The following CAP2 variants were observed in gnomAD, a reference collection of about 807,000 sequenced individuals.
CAP2 encodes cyclase associated actin cytoskeleton regulatory protein 2, also known as adenylyl cyclase-associated protein 2.
CAP2 carries 24 observed loss-of-function variants against 57.7 expected under a neutral mutation model. The observed-to-expected ratio is 0.42, with a 90% CI of 0.30 to 0.58. The LOEUF is 0.58. CAP2 is among the 20% of genes least tolerant of loss of function. The probability of loss-of-function intolerance (pLI) is 0.22; values close to 1 mark genes in which losing one functional copy is unlikely to be tolerated. For missense variants in CAP2, 501 were observed against 590.3 expected, an observed-to-expected ratio of 0.85 and a Z score of 1.57; for synonymous variants, 194 against 207.2, an observed-to-expected ratio of 0.94 and a Z score of 0.55.
At chr6:17,420,947 C>A (rs1365818377) in intron 1 of CAP2, among the ~76,000 whole-genome samples, 1 of 151,984 alleles carries the variant, frequency 6.6e-6, no homozygotes, top group African/African-American at 2.4e-5. Flanking sequence ...ACATTTATAG[C>A]AGCACAATTC....
intron 7 of CAP2, among the ~76,000 whole-genome samples, chr6:17,530,140 C>G (rs1419495361): frequency 6.6e-6 from 1 of 152,136 alleles, no homozygotes; most frequent in Non-Finnish European, 1.5e-5. Context: ...GTGGTGCCAT[C>G]ATAGCTCACT....
At chr6:17,424,268 C>T (rs375428079) in intron 2 of CAP2, among the ~76,000 whole-genome samples, 22 of 152,042 alleles carry the variant, frequency 1.4e-4, no homozygotes, top group East Asian at 9.7e-4. Flanking sequence ...GGCGTGGTGG[C>T]GGGCGCCTGT....
intron 3 of CAP2, among the ~76,000 whole-genome samples, chr6:17,440,984 T>C (rs1760058462): frequency 6.6e-6 from 1 of 151,304 alleles, no homozygotes; most frequent in African/African-American, 2.5e-5. Flanking sequence ...TCCGTGTCGC[T>C]ACAAAGGACA....
chr6:17,487,761 G>A (rs1761454042), intron 4 of CAP2, among the ~76,000 whole-genome samples: 1 of 151,790 alleles, frequency 6.6e-6, no homozygotes, highest in Non-Finnish European at 1.5e-5. Flanking sequence ...ATGAGCCACC[G>A]CACCTGGCCC....
At chr6:17,542,752 A>G (rs1762936514) in intron 9 of CAP2, 85 bp from the exon 10 acceptor site, 3 of 1,067,454 alleles carry the variant, frequency 2.8e-6, no homozygotes, top group Non-Finnish European at 2.8e-6. Flanking sequence ...GCCATACTTC[A>G]TGCTGAGCTC....
At chr6:17,500,470 G>A (rs1383880494) in intron 4 of CAP2, among the ~76,000 whole-genome samples, 1 of 148,258 alleles carries the variant, frequency 6.7e-6, no homozygotes, top group Non-Finnish European at 1.5e-5. Flanking sequence ...CCGGGTTCAA[G>A]CGATTCTCCT....
intron 6 of CAP2, among the ~76,000 whole-genome samples, chr6:17,510,618 C>T (rs996980253): frequency 2.0e-5 from 3 of 152,120 alleles, no homozygotes; most frequent in Non-Finnish European, 4.4e-5. Context: ...TAGAACTGTG[C>T]GGCACGCATG....
At chr6:17,494,668 C>T (rs145639408) in intron 4 of CAP2, among the ~76,000 whole-genome samples, 156 of 152,194 alleles carry the variant, frequency 1.0e-3, no homozygotes, top group African/African-American at 3.4e-3. Context: ...TATTTATCTG[C>T]GTCTCTCTCC....
At chr6:17,422,242 C>G (rs1287838657) in intron 2 of CAP2, among the ~76,000 whole-genome samples, 2 of 151,730 alleles carry the variant, frequency 1.3e-5, no homozygotes, top group African/African-American at 4.8e-5. Context: ...AATTTAGGAA[C>G]TAAAGTTTTG....
At chr6:17,540,896 A>T in intron 8 of CAP2, 77 bp from the exon 9 acceptor site, 1 of 1,385,122 alleles carries the variant, frequency 7.2e-7, no homozygotes, top group African/African-American at 1.4e-5. Context: ...CTCTTTATTT[A>T]CATCATGTTG....
At chr6:17,419,142 A>AT (rs2113528659) in intron 1 of CAP2, among the ~76,000 whole-genome samples, 1 of 152,320 alleles carries the variant, frequency 6.6e-6, no homozygotes, top group South Asian at 2.1e-4. Flanking sequence ...TTTGATAAGT[A>AT]TAACCTTGCT....
intron 1 of CAP2, among the ~76,000 whole-genome samples, chr6:17,419,480 G>A (rs77412593): frequency 0.013 from 2,041 of 152,252 alleles, 55 homozygotes; most frequent in African/African-American, 0.046. Flanking sequence ...AGTTGATATG[G>A]CCGGGGTTAA....
intron 3 of CAP2, among the ~76,000 whole-genome samples, chr6:17,447,118 G>C (rs1038364895): frequency 6.6e-6 from 1 of 151,442 alleles, no homozygotes; most frequent in South Asian, 2.1e-4. Context: ...AAACTCCTGG[G>C]CTCAAGAGAT....
intron 1 of CAP2, among the ~76,000 whole-genome samples, chr6:17,403,172 G>A (rs1342953977): frequency 6.6e-6 from 1 of 152,164 alleles, no homozygotes; most frequent in Admixed American, 6.5e-5. Context: ...CACGATCTTG[G>A]CTCACTGCAA....
At chr6:17,536,777 G>A (rs1461786748) in intron 7 of CAP2, among the ~76,000 whole-genome samples, 1 of 152,202 alleles carries the variant, frequency 6.6e-6, no homozygotes, top group Non-Finnish European at 1.5e-5. Flanking sequence ...GGCTGTATGA[G>A]TTATGATGTG....
At chr6:17,401,858 T>C (rs996222812) in intron 1 of CAP2, among the ~76,000 whole-genome samples, 1 of 152,190 alleles carries the variant, frequency 6.6e-6, no homozygotes, top group African/African-American at 2.4e-5. Context: ...ACAGCCTCTC[T>C]CTTCCTTAGG....
chr6:17,422,341 C>G (rs1352227244), intron 2 of CAP2, among the ~76,000 whole-genome samples: 1 of 141,978 alleles, frequency 7.0e-6, no homozygotes, highest in East Asian at 2.0e-4. Flanking sequence ...TCCTAACCAA[C>G]TATGCTTTTT....
chr6:17,479,650 C>T (rs1295785081), intron 4 of CAP2, among the ~76,000 whole-genome samples: 14 of 127,548 alleles, frequency 1.1e-4, no homozygotes, highest in African/African-American at 4.2e-4. Flanking sequence ...CTCACTTTGT[C>T]GCCCAGGCTA....
intron 7 of CAP2, among the ~76,000 whole-genome samples, chr6:17,514,397 T>G (rs917803510): frequency 6.6e-6 from 1 of 151,484 alleles, no homozygotes; most frequent in Non-Finnish European, 1.5e-5. Context: ...TATGGAAATG[T>G]CATTTGTTGT....
Sources: gnomAD v4.1 joint callset for allele counts (sites outside exome capture counted in the v4.1 genomes callset) on GRCh38, gnomAD v4.1.1 for gene constraint, MANE v1.5 for transcripts, NCBI Gene and HGNC (gene_info 2026-07-23, HGNC 2026-07-21) for gene names.